Variants in DAG1 observed in about 807,000 individuals in gnomAD.
The protein encoded by DAG1 is dystroglycan 1, also known as dystroglycan 1 (dystrophin-associated glycoprotein 1).
Under a neutral mutation model 46.1 loss-of-function variants are expected in DAG1, and 8 were observed. The observed-to-expected ratio is 0.17, with a 90% CI of 0.10 to 0.31. The LOEUF (loss-of-function observed/expected upper bound fraction) is 0.31. DAG1 is among the 10% of genes least tolerant of loss of function. DAG1 has a pLI of 1.00. For synonymous variants in DAG1, 495 were observed against 481.8 expected (o/e 1.03, Z -0.36); for missense variants, 1,003 against 1,189.9 (o/e 0.84, Z 2.31).
intron 1 of DAG1, among the ~76,000 whole-genome samples, chr3:49,486,223 TTTATTTA>T (rs2050021677): frequency 3.4e-5 from 5 of 147,534 alleles, no homozygotes; most frequent in Middle Eastern, 3.5e-3. Context: ...TATTTATTTA[TTTATTTA>T]TTTTTTGAGA....
At chr3:49,473,584 T>G (rs913724948) in intron 1 of DAG1, among the ~76,000 whole-genome samples, 2 of 140,632 alleles carry the variant, frequency 1.4e-5, no homozygotes, top group African/African-American at 2.7e-5. Flanking sequence ...CTTTTCTTCC[T>G]TTTTTTTTTT....
intron 1 of DAG1, among the ~76,000 whole-genome samples, chr3:49,477,911 G>A (rs931206052): frequency 2.0e-5 from 3 of 151,422 alleles, no homozygotes; most frequent in East Asian, 3.9e-4. Context: ...GCAGTGAGCT[G>A]AGATCCTGCC....
Position 49,510,808 on chromosome 3 carries a change from GA to G in DAG1, c.275del (p.Asp92ValfsTer42). 6.2e-7 allele frequency: 1 copy of G among 1,614,174 alleles called. No individual in the cohort carries two copies. Among genetic ancestry groups the G allele is most frequent in the Non-Finnish European group, 8.5e-7 (1 of 1,180,042 alleles). Reference protein sequence around the residue: ...IPTDLIASSGDIIKVSAAGKE... With the variant: ...IPTDLIASSGXIIKVSAAGKE... ...AACAGATTTGATTGCCTCCAGTGGA[GA>G]TATCATCAAGGTGAGACTGGATATA... On this transcript the variant is annotated frameshift_variant, in exon 2 of 3. Transcript: ENST00000308775. LOFTEE classifies it high-confidence loss of function.
chr3:49,489,614 A>T (rs2050129385), intron 1 of DAG1, among the ~76,000 whole-genome samples: 1 of 152,074 alleles, frequency 6.6e-6, no homozygotes, highest in South Asian at 2.1e-4. Context: ...GGGAAGATAG[A>T]ATCTATTTTT....
chr3:49,470,730 T>G (rs935849413), intron 1 of DAG1, among the ~76,000 whole-genome samples: 2 of 152,232 alleles, frequency 1.3e-5, no homozygotes, highest in Non-Finnish European at 2.9e-5. Context: ...AGCCTGCGCC[T>G]TGGCCGCGGT....
chr3:49,510,469 T>C lies in DAG1; in HGVS notation c.-66T>C. On this transcript the variant is annotated 5_prime_UTR_variant, in exon 2 of 3. Coordinates refer to ENST00000308775, the MANE Select transcript of DAG1 (RefSeq NM_004393.6). The stretch of plus-strand genomic sequence containing the variant: ...GGTGTGCAGAGGGTGAGAACCCAGC[T>C]CTGGGACCAAGTCACTTGCTTCCTT... The C allele has an allele frequency of 1.3e-6, 2 of 1,544,428 alleles. No homozygotes were observed. Among genetic ancestry groups the C allele is most frequent in the Admixed American group, 1.7e-5 (1 of 59,912 alleles).
At position 49,502,701 on chromosome 3, in the gene DAG1, C is replaced by T. The variant is rs62261189; in HGVS notation, c.-116-7718C>T. ...TCGCCTAGGCTGGAGTGCAGTGGTG[C>T]GATCTCGGCTCACTACAAGCTCCGC... On this transcript the variant is annotated intron_variant, in intron 1 of 2. Coordinates refer to ENST00000308775, the MANE Select transcript of DAG1 (RefSeq NM_004393.6). Among the ~76,000 whole-genome samples, 192 of 144,498 alleles carry T rather than the reference C, an allele frequency of 1.3e-3. 2 individuals are homozygous for T. The highest frequency in any genetic ancestry group is 4.6e-3 in the African/African-American group (178 of 38,582). 94.8% of individuals were successfully genotyped at this position (144,498 alleles called of 152,430 possible).
Position 49,532,886 on chromosome 3 carries a change from T to C in DAG1, c.2375T>C (p.Ile792Thr). The change falls in exon 3 of 3, where the codon ATC becomes ACC. Residue 792 changes from isoleucine (I) to threonine (T), a missense_variant. Transcript: ENST00000308775. This position sits in a 1 kb window ranked among gnomAD's most constrained non-coding sequence, Gnocchi z 5.4. ...KLTLEDQATF[I>T]KKGVPIIFAD... is the part of the protein sequence containing the mutation. ...ACCCTTGAGGACCAGGCCACCTTCA[T>C]CAAGAAGGGGGTGCCTATCATCTTT... 1 of 1,614,060 alleles carries C rather than the reference T, an allele frequency of 6.2e-7. No homozygotes were observed. Among genetic ancestry groups the C allele is most frequent in the South Asian group, 1.1e-5 (1 of 91,076 alleles).
At chr3:49,482,522 T>G (rs967059338) in intron 1 of DAG1, among the ~76,000 whole-genome samples, 1 of 152,206 alleles carries the variant, frequency 6.6e-6, no homozygotes, top group African/African-American at 2.4e-5. Context: ...CAATGCTGCC[T>G]TGTTATTCTT....
intron 2 of DAG1, among the ~76,000 whole-genome samples, chr3:49,530,115 G>C (rs2051298416): frequency 6.6e-6 from 1 of 152,182 alleles, no homozygotes; most frequent in Non-Finnish European, 1.5e-5. Context: ...GTTGATTCTA[G>C]TCTCTGCTCC....
Position 49,531,035 on chromosome 3 carries a change from G to A in DAG1, c.524G>A (p.Gly175Asp), listed in dbSNP as rs757948629. Residue 175 changes from glycine (G) to aspartate (D), a missense_variant, in exon 3 of 3, where the codon GGT (glycine) becomes GAT (aspartate). This residue lies in a region of DAG1 where 196 missense variants were observed against 239.1 expected (regional missense o/e 0.82). Transcript: ENST00000308775. This position sits in a 1 kb window ranked among gnomAD's most constrained non-coding sequence, Gnocchi z 7.0. The stretch of plus-strand genomic sequence containing the variant: ...GTGAGGACAGCCTCCCCAGACCCTG[G>A]TGAGGTGGTATCATCTGCCTGTGCT... ...QSVRTASPDPGEVVSSACAAD... is the reference protein window; with the variant it reads ...QSVRTASPDPDEVVSSACAAD... 3.0e-5 allele frequency: 49 copies of A among 1,614,210 alleles called. No individual in the cohort carries two copies. The highest frequency in any genetic ancestry group is 4.1e-5 in the Non-Finnish European group (48 of 1,180,034).
At chr3:49,507,579 TA>T (rs199669892) in intron 1 of DAG1, among the ~76,000 whole-genome samples, 4 of 151,282 alleles carry the variant, frequency 2.6e-5, no homozygotes, top group Non-Finnish European at 5.9e-5. Flanking sequence ...TAAATAAATT[TA>T]AAAAAAAATT....
chr3:49,509,152 A>G (rs933356498), intron 1 of DAG1, among the ~76,000 whole-genome samples: 1 of 152,192 alleles, frequency 6.6e-6, no homozygotes, highest in Non-Finnish European at 1.5e-5. Flanking sequence ...GTCAAGAGAT[A>G]CACATTGTCT....
chr3:49,501,142 A>G (rs2107523997), intron 1 of DAG1, among the ~76,000 whole-genome samples: 1 of 152,332 alleles, frequency 6.6e-6, no homozygotes, highest in South Asian at 2.1e-4. Context: ...AATGCAGAGC[A>G]CTTAGTCATG....
At chr3:49,499,279 G>A (rs1281091975) in intron 1 of DAG1, among the ~76,000 whole-genome samples, 2 of 152,096 alleles carry the variant, frequency 1.3e-5, no homozygotes. Flanking sequence ...GCCTGTGCCT[G>A]TAGTCTCCTA....
In DAG1 at chr3:49,531,441, C is replaced by G; in HGVS notation, c.930C>G (p.Val310=). Reference sequence around the variant, plus strand: ...AGAAGCCCCCTCTTCCCAAACGCGTCCGGAGGCAGATCCATGCTACACCCA... The same window carrying G: ...AGAAGCCCCCTCTTCCCAAACGCGTGCGGAGGCAGATCCATGCTACACCCA... ...ANKKPPLPKR[V]RRQIHATPTP... Residue 310 remains valine (V), a synonymous_variant, in exon 3 of 3, where the codon GTC becomes GTG. Coordinates refer to ENST00000308775, the MANE Select transcript of DAG1 (RefSeq NM_004393.6). This position sits in a 1 kb window ranked among gnomAD's most constrained non-coding sequence, Gnocchi z 7.0. 1 of 1,613,946 alleles carries G rather than the reference C, an allele frequency of 6.2e-7. No homozygotes were observed. Among genetic ancestry groups the G allele is most frequent in the Non-Finnish European group, 8.5e-7 (1 of 1,179,998 alleles).
Position 49,510,493 on chromosome 3 carries a change from T to C in DAG1, c.-42T>C, listed in dbSNP as rs771637890. The C allele has an allele frequency of 1.2e-6, 2 of 1,603,232 alleles. No individual in the cohort carries two copies. The highest frequency in any genetic ancestry group is 4.5e-5 in the East Asian group (2 of 44,836). On this transcript the variant is annotated 5_prime_UTR_variant, in exon 2 of 3. Transcript: ENST00000308775. The stretch of plus-strand genomic sequence containing the variant: ...CTCTGGGACCAAGTCACTTGCTTCC[T>C]TACTTAGCAAGACTATCGACTTGAG...
intron 1 of DAG1, among the ~76,000 whole-genome samples, chr3:49,490,486 CTCTTT>C (rs2050153566): frequency 6.6e-6 from 1 of 151,510 alleles, no homozygotes; most frequent in Non-Finnish European, 1.5e-5. Flanking sequence ...CTCTGTCATT[CTCTTT>C]TCTATCTATA....
intron 1 of DAG1, among the ~76,000 whole-genome samples, chr3:49,475,301 T>G (rs544462342): frequency 6.3e-4 from 95 of 151,132 alleles, no homozygotes; most frequent in African/African-American, 2.3e-3. Flanking sequence ...ACAGGTTTTC[T>G]CCATGTTGGT....
Sources: gnomAD v4.1 joint callset for allele counts (sites outside exome capture counted in the v4.1 genomes callset) on GRCh38, gnomAD v4.1.1 for gene constraint, gnomAD v4.1.1 regional missense constraint, Gnocchi (gnomAD v3.1) non-coding constraint, MANE v1.5 for transcripts, NCBI Gene and HGNC (gene_info 2026-07-23, HGNC 2026-07-21) for gene names.